The following TCF12 variants were observed in gnomAD, a reference collection of about 807,000 sequenced individuals.
TCF12 encodes the protein transcription factor 12.
A neutral mutation model predicts 86.0 loss-of-function variants in TCF12; 45 were observed. That is an observed-to-expected ratio of 0.52 (90% CI 0.41 to 0.67). The LOEUF is 0.67. Among genes scored for constraint, TCF12 ranks in the 30% least tolerant of loss-of-function variants. TCF12 has a pLI of 0.00. For synonymous variants in TCF12, 330 were observed against 299.6 expected (o/e 1.10, Z -1.05); for missense variants, 881 against 859.9 (o/e 1.02, Z -0.31).
chr15:57,068,594 T>G, intron 4 of TCF12, among the ~76,000 whole-genome samples: 1 of 152,210 alleles, frequency 6.6e-6, no homozygotes, highest in Admixed American at 6.5e-5. Context: ...TATAACACCT[T>G]ATACATGATG....
intron 3 of TCF12, among the ~76,000 whole-genome samples, chr15:57,056,462 A>C (rs1036196990): frequency 6.6e-6 from 1 of 150,486 alleles, no homozygotes; most frequent in African/African-American, 2.5e-5. Flanking sequence ...ATTTTTAATT[A>C]ATTTATTTAT....
At chr15:57,281,195 C>T (rs2061670810) in intron 19 of TCF12, among the ~76,000 whole-genome samples, 2 of 150,548 alleles carry the variant, frequency 1.3e-5, no homozygotes, top group Admixed American at 6.7e-5. Flanking sequence ...AACTCTTGGG[C>T]TCAAGCGATC....
At chr15:57,172,839 GC>G (rs1297078182) in intron 6 of TCF12, among the ~76,000 whole-genome samples, 2 of 152,056 alleles carry the variant, frequency 1.3e-5, no homozygotes, top group African/African-American at 4.8e-5. Context: ...GGTGACTCAT[GC>G]CTGTAACCCC....
chr15:56,991,792 C>G (rs570590983), intron 3 of TCF12, among the ~76,000 whole-genome samples: 1 of 143,184 alleles, frequency 7.0e-6, no homozygotes, highest in South Asian at 2.2e-4. Flanking sequence ...ATTATAGTGC[C>G]CTTTTTTTTA....
intron 3 of TCF12, among the ~76,000 whole-genome samples, chr15:56,947,456 C>T (rs1360692627): frequency 6.6e-6 from 1 of 152,166 alleles, no homozygotes; most frequent in African/African-American, 2.4e-5. Context: ...TCTGTCCCCT[C>T]CATTCAGTAT....
intron 5 of TCF12, among the ~76,000 whole-genome samples, chr15:57,142,294 C>G (rs1256793416): frequency 3.3e-5 from 2 of 60,788 alleles, no homozygotes; most frequent in Non-Finnish European, 7.8e-5. Flanking sequence ...TCAGTATTTA[C>G]TCACACTTTT....
intron 5 of TCF12, among the ~76,000 whole-genome samples, chr15:57,098,416 CTTCCTCCATCTTTTTTATGTATTCA>C (rs1372284046): frequency 1.3e-5 from 2 of 152,128 alleles, no homozygotes; most frequent in Non-Finnish European, 2.9e-5. Flanking sequence ...TGTTGAGTAC[CTTCCTCCATCTTTTTTATGTATTCA>C]TTCCTCCATT....
At chr15:57,029,868 C>T (rs909102920) in intron 3 of TCF12, among the ~76,000 whole-genome samples, 3 of 152,170 alleles carry the variant, frequency 2.0e-5, no homozygotes, top group Non-Finnish European at 4.4e-5. Context: ...TTTCACTAAG[C>T]ATAATTACAT....
At chr15:57,079,201 A>T (rs534411906) in intron 4 of TCF12, among the ~76,000 whole-genome samples, 1 of 152,364 alleles carries the variant, frequency 6.6e-6, no homozygotes, top group Non-Finnish European at 1.5e-5. Flanking sequence ...AAGTAATGCC[A>T]CTTAAACGTG....
intron 8 of TCF12, among the ~76,000 whole-genome samples, chr15:57,212,078 T>C (rs1254830894): frequency 6.6e-6 from 1 of 151,876 alleles, no homozygotes; most frequent in Non-Finnish European, 1.5e-5. Flanking sequence ...GAATCTTGAA[T>C]ACAACAAGAT....
At chr15:57,215,911 A>C (rs1012343944) in intron 8 of TCF12, among the ~76,000 whole-genome samples, 16 of 152,162 alleles carry the variant, frequency 1.1e-4, no homozygotes, top group African/African-American at 3.6e-4. Flanking sequence ...TCTGTTTCCC[A>C]ATCAACAGAA....
intron 3 of TCF12, among the ~76,000 whole-genome samples, chr15:57,015,185 G>T (rs890900516): frequency 6.6e-6 from 1 of 152,140 alleles, no homozygotes; most frequent in African/African-American, 2.4e-5. Flanking sequence ...CTACTCAGGA[G>T]GCTGAGGTGG....
At chr15:57,192,066 T>G in intron 6 of TCF12, 92 bp from the exon 7 acceptor site, 1 of 1,457,958 alleles carries the variant, frequency 6.9e-7, no homozygotes, top group Non-Finnish European at 9.4e-7. Flanking sequence ...AAGACATTGC[T>G]GAAGTTGTAA....
intron 8 of TCF12, among the ~76,000 whole-genome samples, chr15:57,205,250 C>T (rs2151786138): frequency 6.6e-6 from 1 of 152,138 alleles, no homozygotes; most frequent in East Asian, 1.9e-4. Flanking sequence ...TTGCAGTGAG[C>T]CAGGATCACG....
At chr15:56,944,068 G>A (rs149324966) in intron 3 of TCF12, among the ~76,000 whole-genome samples, 450 of 152,180 alleles carry the variant, frequency 3.0e-3, no homozygotes, top group African/African-American at 0.01. Context: ...TCTTTCTGAA[G>A]ATAATGAACC....
intron 3 of TCF12, among the ~76,000 whole-genome samples, chr15:56,987,622 T>G (rs982558173): frequency 6.6e-6 from 1 of 152,202 alleles, no homozygotes; most frequent in Admixed American, 6.5e-5. Context: ...TTTTGGTGCA[T>G]GTCAGGTTCA....
chr15:57,122,829 G>C (rs182871213), intron 5 of TCF12, among the ~76,000 whole-genome samples: 1 of 152,280 alleles, frequency 6.6e-6, no homozygotes, highest in East Asian at 1.9e-4. Flanking sequence ...CTAAGAGTGA[G>C]GCTCATAAAT....
At chr15:57,242,411 A>G (rs1041903842) in intron 12 of TCF12, among the ~76,000 whole-genome samples, 3 of 151,970 alleles carry the variant, frequency 2.0e-5, no homozygotes, top group Non-Finnish European at 2.9e-5. Flanking sequence ...TGTTGTTGCC[A>G]GGCACCATGG....
intron 3 of TCF12, among the ~76,000 whole-genome samples, chr15:57,035,526 C>G (rs2066456430): frequency 6.6e-6 from 1 of 152,152 alleles, no homozygotes; most frequent in Non-Finnish European, 1.5e-5. Flanking sequence ...CTCGGCCTCC[C>G]AAAGTATTGG....
Sources: allele counts gnomAD v4.1 joint callset (sites outside exome capture counted in the v4.1 genomes callset), GRCh38; gene constraint gnomAD v4.1.1; transcripts MANE v1.5; gene names NCBI Gene and HGNC (gene_info 2026-07-23, HGNC 2026-07-21).